Variants in ZEB1 observed in about 807,000 individuals in gnomAD.
ZEB1 encodes the protein zinc finger E-box binding homeobox 1, also known as zinc finger E-box-binding homeobox 1.
In ZEB1, 21 loss-of-function variants were observed where a neutral mutation model predicts 84.9. The ratio of observed to expected loss-of-function variants is 0.25; its 90% CI spans 0.18 to 0.36. The LOEUF (loss-of-function observed/expected upper bound fraction) is 0.36. Among genes scored for constraint, ZEB1 ranks in the 10% least tolerant of loss-of-function variants. ZEB1 has a pLI of 1.00. For missense variants in ZEB1, 1,104 were observed against 1,330.2 expected (o/e 0.83, Z 2.65); for synonymous variants, 420 against 471.1 (o/e 0.89, Z 1.41).
intron 1 of ZEB1, among the ~76,000 whole-genome samples, chr10:31,324,209 G>A (rs1308977643): frequency 1.3e-5 from 2 of 152,080 alleles, no homozygotes; most frequent in South Asian, 4.2e-4. Flanking sequence ...GATATAAAAA[G>A]CATGTGAAAT....
intron 4 of ZEB1, among the ~76,000 whole-genome samples, chr10:31,505,960 AAATTTT>A (rs1352053729): frequency 2.0e-5 from 3 of 151,874 alleles, no homozygotes; most frequent in Non-Finnish European, 4.4e-5. Context: ...TCATTTAAAG[AAATTTT>A]AATTTTAATT....
chr10:31,495,279 G>T (rs1431513932), intron 2 of ZEB1, among the ~76,000 whole-genome samples: 1 of 151,920 alleles, frequency 6.6e-6, no homozygotes, highest in African/African-American at 2.4e-5. Flanking sequence ...CTTTAGAGAA[G>T]AAATAAAAAT....
rs1272733427 is a variant in ZEB1 at position 31,443,045 on chromosome 10, T to A, written c.59-17992T>A. Reference sequence around the variant, plus strand: ...GTAAGAGATTAGCCAGCATAGAGATTTTGAAGCCAGAGAGAGCAAGAAAGT... The same window carrying A: ...GTAAGAGATTAGCCAGCATAGAGATATTGAAGCCAGAGAGAGCAAGAAAGT... On this transcript the variant is annotated intron_variant, in intron 1 of 8. Transcript: ENST00000424869. Among the ~76,000 whole-genome samples, 3 of 152,134 alleles carry A rather than the reference T, an allele frequency of 2.0e-5. No individual in the cohort carries two copies. In the South Asian group the frequency reaches 6.2e-4, roughly 31 times the overall value.
chr10:31,321,376 A>C, intron 1 of ZEB1: 1 of 1,552,854 alleles, frequency 6.4e-7, no homozygotes, highest in Non-Finnish European at 8.7e-7. Flanking sequence ...TTGATTATAA[A>C]CGAAAGGTAT....
chr10:31,407,212 A>G (rs2053267704), intron 1 of ZEB1, among the ~76,000 whole-genome samples: 1 of 149,942 alleles, frequency 6.7e-6, no homozygotes, highest in Non-Finnish European at 1.5e-5. Flanking sequence ...GTCATCTAGC[A>G]TTAGGTATAT....
intron 1 of ZEB1, among the ~76,000 whole-genome samples, chr10:31,436,639 A>G (rs2058325112): frequency 6.6e-6 from 1 of 152,214 alleles, no homozygotes; most frequent in African/African-American, 2.4e-5. Context: ...TAATGGATTC[A>G]GTGCATATAA....
chr10:31,334,667 C>A (rs1242035295), intron 1 of ZEB1, among the ~76,000 whole-genome samples: 1 of 151,866 alleles, frequency 6.6e-6, no homozygotes, highest in African/African-American at 2.4e-5. Flanking sequence ...ACAAAATTAG[C>A]AAACCACTGG....
chr10:31,477,275 C>T (rs1460457676), intron 2 of ZEB1, among the ~76,000 whole-genome samples: 1 of 151,904 alleles, frequency 6.6e-6, no homozygotes, highest in East Asian at 1.9e-4. Context: ...AACCAAATCA[C>T]GAACTCTATC....
At chr10:31,328,486 C>T (rs914893302) in intron 1 of ZEB1, among the ~76,000 whole-genome samples, 1 of 152,104 alleles carries the variant, frequency 6.6e-6, no homozygotes, top group African/African-American at 2.4e-5. Context: ...GATCAGCTGA[C>T]AATTTTTTAT....
intron 1 of ZEB1, among the ~76,000 whole-genome samples, chr10:31,381,222 C>T (rs1333080145): frequency 6.6e-6 from 1 of 152,080 alleles, no homozygotes; most frequent in Non-Finnish European, 1.5e-5. Context: ...TTGTAGATGA[C>T]ATGATTAATT....
At position 31,460,901 on chromosome 10, in the gene ZEB1, A is replaced by G. The variant is rs538846297; in HGVS notation, c.59-136A>G. On this transcript the variant is annotated intron_variant, in intron 1 of 8. Transcript: ENST00000424869. ...TGTTACATATGTGTGTTGTCAAATA[A>G]ATTAGTTGTTAACATTATTTAAAAG... 6.8e-5 allele frequency: 52 copies of G among 765,620 alleles called. No individual in the cohort carries two copies. In the East Asian group the frequency reaches 1.4e-3, roughly 21 times the overall value. 47.4% of individuals were successfully genotyped at this position (765,620 alleles called of 1,614,324 possible). A position where few individuals can be genotyped will look rare whatever the true frequency, so the allele number is the denominator to read the frequency against.
At chr10:31,516,539 T>TAAA (rs71027029) in intron 6 of ZEB1, among the ~76,000 whole-genome samples, 5 of 34,030 alleles carry the variant, frequency 1.5e-4, no homozygotes, top group Admixed American at 5.2e-4. Flanking sequence ...TGTCTGTAAG[T>TAAA]AAAAAAAAAA....
intron 1 of ZEB1, among the ~76,000 whole-genome samples, chr10:31,450,439 A>G (rs1256114824): frequency 6.6e-6 from 1 of 152,074 alleles, no homozygotes; most frequent in Admixed American, 6.5e-5. Flanking sequence ...ATTTGTAATT[A>G]ACCATTTACC....
At chr10:31,401,163 G>C (rs1284721992) in intron 1 of ZEB1, among the ~76,000 whole-genome samples, 1 of 152,088 alleles carries the variant, frequency 6.6e-6, no homozygotes, top group Non-Finnish European at 1.5e-5. Flanking sequence ...AAAAATCATA[G>C]GGCTTATGAG....
intron 2 of ZEB1, among the ~76,000 whole-genome samples, chr10:31,494,279 T>G (rs1291998213): frequency 6.6e-6 from 1 of 152,006 alleles, no homozygotes; most frequent in Non-Finnish European, 1.5e-5. Context: ...AAACTGTCAT[T>G]TTGCTGATGG....
At chr10:31,434,409 C>A (rs749620396) in intron 1 of ZEB1, among the ~76,000 whole-genome samples, 3 of 152,156 alleles carry the variant, frequency 2.0e-5, no homozygotes, top group Non-Finnish European at 4.4e-5. Flanking sequence ...TTTCAGTTTT[C>A]TCAAGTATAA....
intron 5 of ZEB1, among the ~76,000 whole-genome samples, chr10:31,512,499 A>C (rs2070273715): frequency 6.6e-6 from 1 of 152,196 alleles, no homozygotes; most frequent in African/African-American, 2.4e-5. Context: ...TTAGTTTGCA[A>C]GGCAGCAAAC....
chr10:31,407,260 C>T (rs1432278419), intron 1 of ZEB1, among the ~76,000 whole-genome samples: 1 of 127,332 alleles, frequency 7.9e-6, no homozygotes, highest in Non-Finnish European at 1.6e-5. Context: ...CCCACCCCAC[C>T]ACAGTCCCCA....
chr10:31,451,702 A>C (rs1057205673), intron 1 of ZEB1, among the ~76,000 whole-genome samples: 7 of 152,182 alleles, frequency 4.6e-5, no homozygotes, highest in African/African-American at 1.7e-4. Flanking sequence ...TGTTTCATCT[A>C]TCTGTGAGTT....
Sources: gnomAD v4.1 joint callset for allele counts (sites outside exome capture counted in the v4.1 genomes callset) on GRCh38, gnomAD v4.1.1 for gene constraint, MANE v1.5 for transcripts, NCBI Gene and HGNC (gene_info 2026-07-23, HGNC 2026-07-21) for gene names.